RECQL5: variants seen among roughly 807,000 people sequenced by gnomAD.
The protein encoded by RECQL5 is RecQ like helicase 5, also known as ATP-dependent DNA helicase Q5.
In RECQL5, 88 loss-of-function variants were observed where a neutral mutation model predicts 103.4. The observed-to-expected ratio is 0.85, with a 90% CI of 0.72 to 1.02. The LOEUF is 1.02. RECQL5 is among the 50% of genes least tolerant of loss of function. The probability of loss-of-function intolerance (pLI) is 0.00; values close to 1 mark genes in which losing one functional copy is unlikely to be tolerated. For synonymous variants in RECQL5, 552 were observed against 507.9 expected, an observed-to-expected ratio of 1.09 and a Z score of -1.17; for missense variants, 1,232 against 1,284.3, an observed-to-expected ratio of 0.96 and a Z score of 0.62.
rs775466364 is a variant in RECQL5 at position 75,629,818 on chromosome 17, T to C, written c.1837A>G (p.Lys613Glu). 6.2e-7 allele frequency: 1 copy of C among 1,612,500 alleles called. No homozygotes were observed. The highest frequency in any genetic ancestry group is 1.3e-5 in the African/African-American group (1 of 74,894). Residue 613 changes from lysine (K) to glutamate (E), a missense_variant, in exon 15 of 20, where the codon AAG becomes GAG. Physicochemically the swap from Lys to Glu is moderately conservative, Grantham distance 56. Coordinates refer to ENST00000317905, the MANE Select transcript of RECQL5 (RefSeq NM_004259.7). ...CCCATGTCATAGGGCTGCCCATCCT[T>C]GGAGGCTCTGTGGATATCGGCCACC... is the stretch of plus-strand genomic sequence containing the variant. ...KKVADIHRAS[K>E]DGQPYDMGGS... is the part of the protein sequence containing the mutation.
At chr17:75,634,303 G>C (rs369264874) in intron 8 of RECQL5, 2 of 970,838 alleles carry the variant, frequency 2.1e-6, no homozygotes, top group Non-Finnish European at 1.2e-6. Context: ...AACACGGAGA[G>C]GTCTTCGGGG....
Position 75,628,921 on chromosome 17 carries a change from C to T in RECQL5, c.2489+13G>A, listed in dbSNP as rs200115810. On this transcript the variant is annotated intron_variant, in intron 16 of 19. Transcript: ENST00000317905. ...TAGGTTCCAGAAGATTCTATGACTA[C>T]CTGTACCCTTACCTTGGCCTCTCCC... The T allele has an allele frequency of 1.3e-3, 2,033 of 1,580,134 alleles. 8 individuals are homozygous for T. The highest frequency in any genetic ancestry group is 7.3e-3 in the Middle Eastern group (43 of 5,910).
At chr17:75,630,586 A>T (rs2059188613) in intron 13 of RECQL5, 33 bp downstream of exon 13, 1 of 1,608,706 alleles carries the variant, frequency 6.2e-7, no homozygotes, top group African/African-American at 1.3e-5. Flanking sequence ...GAGAGCTTGG[A>T]GTGCTCCTCA....
intron 2 of RECQL5, among the ~76,000 whole-genome samples, chr17:75,665,542 T>C (rs996934861): frequency 6.6e-6 from 1 of 151,936 alleles, no homozygotes; most frequent in Non-Finnish European, 1.5e-5. Flanking sequence ...ATACAAAAAT[T>C]ACCCAGGCAT....
chr17:75,660,824 C>T, intron 6 of RECQL5, 131 bp downstream of exon 6: 1 of 718,672 alleles, frequency 1.4e-6, no homozygotes, highest in South Asian at 1.6e-5. Context: ...ATTCTAAGGA[C>T]TCTCTCCTGG....
At chr17:75,650,738 A>C (rs751731347) in intron 8 of RECQL5, 1 of 1,609,636 alleles carries the variant, frequency 6.2e-7, no homozygotes, top group East Asian at 2.2e-5. Context: ...CAGGTAAAAC[A>C]GATGCGTGAG....
At chr17:75,637,300 T>A (rs1355715851) in intron 8 of RECQL5, 1 of 152,330 alleles carries the variant, frequency 6.6e-6, no homozygotes, top group Non-Finnish European at 1.5e-5. Flanking sequence ...CTGGGCTACA[T>A]TAGGCCGTGT....
At chr17:75,633,511 C>T in intron 8 of RECQL5, 7 of 1,288,438 alleles carry the variant, frequency 5.4e-6, no homozygotes, top group Non-Finnish European at 7.1e-6. Context: ...TCCCAGGTCA[C>T]TCAGGATTCC....
At chr17:75,655,923 C>G (rs2059613676) in intron 7 of RECQL5, among the ~76,000 whole-genome samples, 1 of 152,180 alleles carries the variant, frequency 6.6e-6, no homozygotes, top group Non-Finnish European at 1.5e-5. Context: ...CTCAGGTGAT[C>G]TGCCTGCCTT....
rs758307460 is a variant in RECQL5, at chr17:75,647,460, T to A, written c.1229+3726A>T. On this transcript the variant is annotated intron_variant, in intron 8 of 19. Transcript: ENST00000317905. ...GGGACCAGGGGGGCCTGGCAGTGATTATCTTATTCATCACCGCTGTCCTGC... is the reference window on the plus strand; with the variant it reads ...GGGACCAGGGGGGCCTGGCAGTGATAATCTTATTCATCACCGCTGTCCTGC... The A allele has an allele frequency of 7.1e-6, 11 of 1,550,212 alleles. No homozygotes were observed. In the South Asian group the frequency reaches 1.3e-4, roughly 18 times the overall value.
rs752563208 is a variant in RECQL5, at chr17:75,631,163, ATCTGCT to A, written c.1529_1534del (p.Lys510_Gln511del). Reference sequence around the variant, plus strand: ...GCCTCCCCTCACCTTGCGCAGCTGCATCTGCTTCTGATAGAAGAGGTTCCACTCCCG... The same window carrying A: ...GCCTCCCCTCACCTTGCGCAGCTGCATCTGATAGAAGAGGTTCCACTCCCG... On this transcript the variant is annotated inframe_deletion, in exon 10 of 20. Coordinates refer to ENST00000317905, the MANE Select transcript of RECQL5 (RefSeq NM_004259.7). 3.8e-5 allele frequency: 61 copies of A among 1,613,862 alleles called. No individual in the cohort carries two copies. The Admixed American group carries it at 9.8e-4, about 26-fold the overall frequency.
chr17:75,633,135 C>G (rs915438429), intron 8 of RECQL5, among the ~76,000 whole-genome samples: 1 of 152,256 alleles, frequency 6.6e-6, no homozygotes, highest in Non-Finnish European at 1.5e-5. Context: ...TGAGTAAATG[C>G]AACAAATGGT....
chr17:75,635,202 C>G (rs554996089), intron 8 of RECQL5, among the ~76,000 whole-genome samples: 1 of 152,322 alleles, frequency 6.6e-6, no homozygotes, highest in African/African-American at 2.4e-5. Flanking sequence ...CTGGGGGCTT[C>G]GGCTGGGGCT....
intron 8 of RECQL5, among the ~76,000 whole-genome samples, chr17:75,635,237 C>A (rs1219772469): frequency 6.6e-6 from 1 of 152,280 alleles, no homozygotes; most frequent in African/African-American, 2.4e-5. Flanking sequence ...CAAGCTCCTG[C>A]GGTGTTGGGA....
Position 75,629,533 on chromosome 17 carries a change from C to T in RECQL5, c.1948-58G>A, listed in dbSNP as rs536275534. ...GCCCACTAGGCCCCCTTGAGGGCAC[C>T]GCTGGCTGGAGCAGTAACTCACATT... On this transcript the variant is annotated intron_variant, in intron 15 of 19. Coordinates refer to ENST00000317905, the MANE Select transcript of RECQL5 (RefSeq NM_004259.7). The T allele has an allele frequency of 1.1e-4, 163 of 1,497,838 alleles. 1 individual carries two copies. In the Middle Eastern group the frequency reaches 2.0e-3, roughly 18 times the overall value. The allele number at this position is 1,497,838 out of a possible 1,614,324, so 92.8% of individuals were successfully genotyped here.
Position 75,640,064 on chromosome 17 carries a change from C to G in RECQL5, c.1230-8396G>C, listed in dbSNP as rs968466751. The G allele has an allele frequency of 3.1e-6, 4 of 1,286,188 alleles. No individual in the cohort carries two copies. In the African/African-American group the frequency reaches 6.0e-5, roughly 19 times the overall value. The allele number at this position is 1,286,188 out of a possible 1,614,324, so 79.7% of individuals were successfully genotyped here. ...GGTGCAATGTGTGAGACCTGACAAA[C>G]TTGTTCTGCGGGCTGCGGATGGGTG... On this transcript the variant is annotated intron_variant, in intron 8 of 19. Transcript: ENST00000317905. The surrounding 1 kb of genome is among the most constrained non-coding windows in gnomAD (Gnocchi z 4.6).
intron 6 of RECQL5, among the ~76,000 whole-genome samples, chr17:75,660,068 G>A (rs2148337534): frequency 6.6e-6 from 1 of 151,958 alleles, no homozygotes; most frequent in African/African-American, 2.4e-5. Flanking sequence ...GGTTTTTGGT[G>A]TTTTTGTTTG....
At chr17:75,630,877 C>CCTT in intron 11 of RECQL5, 40 bp from the exon 12 acceptor site, 1 of 1,529,078 alleles carries the variant, frequency 6.5e-7, no homozygotes, top group Non-Finnish European at 8.9e-7. Context: ...TTTCGCTCCA[C>CCTT]CTTCTGCGCT....
rs979137883 is a variant in RECQL5 at position 75,650,395 on chromosome 17, A to C, written c.1229+791T>G. 14 of 1,214,536 alleles carry C rather than the reference A, an allele frequency of 1.2e-5. No individual in the cohort carries two copies. In the Admixed American group the frequency reaches 4.9e-4, roughly 42 times the overall value. 75.2% of individuals were successfully genotyped at this position (1,214,536 alleles called of 1,614,324 possible). A position where few individuals can be genotyped will look rare whatever the true frequency, so the allele number is the denominator to read the frequency against. ...ATTTCCTCGCTTTTTTCTTGCAAAAACCAAGATGGCCCAGGTGTATGCAAA... is the reference window on the plus strand; with the variant it reads ...ATTTCCTCGCTTTTTTCTTGCAAAACCCAAGATGGCCCAGGTGTATGCAAA... On this transcript the variant is annotated intron_variant, in intron 8 of 19. Coordinates refer to ENST00000317905, the MANE Select transcript of RECQL5 (RefSeq NM_004259.7).
Sources: gnomAD v4.1 joint callset for allele counts (sites outside exome capture counted in the v4.1 genomes callset) on GRCh38, gnomAD v4.1.1 for gene constraint, Gnocchi (gnomAD v3.1) non-coding constraint, MANE v1.5 for transcripts, NCBI Gene and HGNC (gene_info 2026-07-23, HGNC 2026-07-21) for gene names.